Variants in NELL1 observed in about 807,000 individuals in gnomAD.
The protein encoded by NELL1 is neural EGFL like 1.
NELL1 carries 76 observed loss-of-function variants against 107.4 expected under a neutral mutation model. That is an observed-to-expected ratio of 0.71 (90% confidence interval 0.59 to 0.86). The LOEUF (loss-of-function observed/expected upper bound fraction) is 0.86. Among genes scored for constraint, NELL1 ranks in the 40% least tolerant of loss-of-function variants. The pLI is 0.00. For synonymous variants in NELL1, 353 were observed against 341.2 expected (o/e 1.03, Z -0.38); for missense variants, 1,024 against 1,005.5 (o/e 1.02, Z -0.25).
intron 12 of NELL1, among the ~76,000 whole-genome samples, chr11:21,015,974 T>C (rs930716714): frequency 6.6e-6 from 1 of 151,842 alleles, no homozygotes; most frequent in African/African-American, 2.4e-5. Flanking sequence ...GTCCGAGGGC[T>C]AAGCTGTAGG....
intron 16 of NELL1, among the ~76,000 whole-genome samples, chr11:21,559,609 T>C (rs574854706): frequency 2.0e-5 from 3 of 152,272 alleles, no homozygotes; most frequent in African/African-American, 7.2e-5. Context: ...AGTAAGACTT[T>C]GACTATAAAA....
At chr11:21,036,525 T>C (rs1484017899) in intron 12 of NELL1, among the ~76,000 whole-genome samples, 1 of 151,938 alleles carries the variant, frequency 6.6e-6, no homozygotes. Context: ...TCTTCAAGTA[T>C]TATCTCTTTC....
intron 12 of NELL1, among the ~76,000 whole-genome samples, chr11:21,101,043 T>C (rs1213931810): frequency 2.8e-5 from 4 of 145,232 alleles, no homozygotes; most frequent in Non-Finnish European, 4.5e-5. Flanking sequence ...CCTGTGTCCA[T>C]GTGTTCTCAT....
At chr11:20,848,551 A>G (rs1848742024) in intron 4 of NELL1, among the ~76,000 whole-genome samples, 1 of 152,032 alleles carries the variant, frequency 6.6e-6, no homozygotes, top group Non-Finnish European at 1.5e-5. Context: ...CCAATTACAG[A>G]GTTTTTTTTT....
intron 13 of NELL1, among the ~76,000 whole-genome samples, chr11:21,119,673 G>A (rs561990938): frequency 2.0e-5 from 3 of 152,142 alleles, no homozygotes; most frequent in Admixed American, 1.3e-4. Flanking sequence ...GTTGTTTCTT[G>A]TAAGAGATCC....
intron 2 of NELL1, among the ~76,000 whole-genome samples, chr11:20,716,077 G>A (rs1263978451): frequency 6.6e-6 from 1 of 152,230 alleles, no homozygotes; most frequent in Admixed American, 6.5e-5. Flanking sequence ...ACAACTTTCT[G>A]TGAATGCAGC....
intron 13 of NELL1, among the ~76,000 whole-genome samples, chr11:21,132,500 G>A (rs763288742): frequency 2.0e-5 from 3 of 152,274 alleles, no homozygotes; most frequent in Middle Eastern, 3.4e-3. Context: ...TCCAGGCACT[G>A]CACACAGCCA....
intron 13 of NELL1, among the ~76,000 whole-genome samples, chr11:21,123,605 A>G (rs1279349649): frequency 1.3e-5 from 2 of 152,186 alleles, no homozygotes; most frequent in Non-Finnish European, 2.9e-5. Context: ...ACTTTCATAT[A>G]TCACTGATGA....
At chr11:20,886,732 A>C (rs1849516706) in intron 5 of NELL1, among the ~76,000 whole-genome samples, 1 of 152,248 alleles carries the variant, frequency 6.6e-6, no homozygotes, top group Non-Finnish European at 1.5e-5. Context: ...TAACTAATGT[A>C]AATGACGGGT....
At chr11:21,529,282 A>G (rs1356466018) in intron 15 of NELL1, among the ~76,000 whole-genome samples, 1 of 152,102 alleles carries the variant, frequency 6.6e-6, no homozygotes, top group East Asian at 1.9e-4. Flanking sequence ...TATGACCCAT[A>G]TTGAAATTAT....
chr11:21,495,870 T>G, intron 15 of NELL1, among the ~76,000 whole-genome samples: 1 of 152,156 alleles, frequency 6.6e-6, no homozygotes, highest in Non-Finnish European at 1.5e-5. Flanking sequence ...TTCTTGATGT[T>G]TCTGCATACT....
intron 5 of NELL1, among the ~76,000 whole-genome samples, chr11:20,888,920 A>T (rs148184370): frequency 0.028 from 4,315 of 152,256 alleles, 105 homozygotes; most frequent in Non-Finnish European, 0.043. Flanking sequence ...CATCCCTGGG[A>T]TTCCAAGTAT....
intron 13 of NELL1, chr11:21,170,053 G>C: frequency 8.9e-7 from 1 of 1,122,768 alleles, no homozygotes; most frequent in South Asian, 1.3e-5. Context: ...ACATCCCTGA[G>C]CCTGAACCCA....
chr11:20,775,214 G>C (rs1379135113), intron 2 of NELL1, among the ~76,000 whole-genome samples: 1 of 152,098 alleles, frequency 6.6e-6, no homozygotes, highest in African/African-American at 2.4e-5. Flanking sequence ...CAAAATTGAA[G>C]GCCATGCCTA....
At chr11:21,490,773 A>T (rs1461157246) in intron 15 of NELL1, among the ~76,000 whole-genome samples, 1 of 151,974 alleles carries the variant, frequency 6.6e-6, no homozygotes, top group Non-Finnish European at 1.5e-5. Flanking sequence ...CTAGATACCC[A>T]TTTCACCCCA....
intron 2 of NELL1, among the ~76,000 whole-genome samples, chr11:20,775,793 A>C (rs1420263837): frequency 6.6e-6 from 1 of 152,208 alleles, no homozygotes; most frequent in Non-Finnish European, 1.5e-5. Flanking sequence ...GGGGTACCAG[A>C]ATCTCTTTTG....
chr11:21,360,368 C>T (rs1851047802), intron 14 of NELL1, among the ~76,000 whole-genome samples: 1 of 152,044 alleles, frequency 6.6e-6, no homozygotes, highest in African/African-American at 2.4e-5. Context: ...GATATAATTT[C>T]AATTTTTAAA....
intron 16 of NELL1, among the ~76,000 whole-genome samples, chr11:21,535,853 T>G (rs1856122804): frequency 6.6e-6 from 1 of 152,188 alleles, no homozygotes; most frequent in South Asian, 2.1e-4. Context: ...CATATTTCTT[T>G]TCCTTTACAT....
At chr11:21,079,999 C>T (rs1854228209) in intron 12 of NELL1, among the ~76,000 whole-genome samples, 1 of 151,960 alleles carries the variant, frequency 6.6e-6, no homozygotes, top group Non-Finnish European at 1.5e-5. Context: ...TTTGAACATA[C>T]TGATGTGTGA....
Sources: allele counts gnomAD v4.1 joint callset (sites outside exome capture counted in the v4.1 genomes callset), GRCh38; gene constraint gnomAD v4.1.1; transcripts MANE v1.5; gene names NCBI Gene and HGNC (gene_info 2026-07-23, HGNC 2026-07-21).